PTPRH: variants seen among roughly 807,000 people sequenced by gnomAD.
PTPRH encodes protein tyrosine phosphatase receptor type H.
A neutral mutation model predicts 130.2 loss-of-function variants in PTPRH; 113 were observed. That is an observed-to-expected ratio of 0.87 (90% CI 0.75 to 1.01). The LOEUF is 1.01. Among genes scored for constraint, PTPRH ranks in the 50% least tolerant of loss-of-function variants. The pLI, the probability that PTPRH is intolerant of heterozygous loss-of-function variation, is 0.00. For synonymous variants in PTPRH, 556 were observed against 577.9 expected (o/e 0.96, Z 0.54); for missense variants, 1,430 against 1,425.0 (o/e 1.00, Z -0.06).
At chr19:55,194,761 G>C (rs2086636984) in intron 10 of PTPRH, among the ~76,000 whole-genome samples, 1 of 152,090 alleles carries the variant, frequency 6.6e-6, no homozygotes, top group Non-Finnish European at 1.5e-5. Context: ...CCACTACTGG[G>C]TATAGACCCA....
rs750088708 is a variant in PTPRH, at chr19:55,205,485, C to T, written c.460G>A (p.Val154Ile). ...GPDPQNSTYG[V>I]EYTGDGGRAG... The stretch of plus-strand genomic sequence containing the variant: ...CTGCCACCATCTCCAGTGTACTCAA[C>T]CCCGTAGGTGGAGTTCTGTGGGTCT... The change falls in exon 4 of 20, where the codon GTT becomes ATT. Residue 154 changes from valine (V) to isoleucine (I), a missense_variant. Physicochemically the swap from Val to Ile is conservative, Grantham distance 29 (BLOSUM62 3). Coordinates refer to ENST00000376350, the MANE Select transcript of PTPRH (RefSeq NM_002842.5). The T allele has an allele frequency of 3.1e-6, 5 of 1,614,206 alleles. No individual in the cohort carries two copies. The highest frequency in any genetic ancestry group is 1.6e-4 in the Middle Eastern group (1 of 6,062).
chr19:55,187,359 AAGAAAAAAAG>A lies in PTPRH; in HGVS notation c.2566+144_2566+153del, dbSNP rs370161406. Among the ~76,000 whole-genome samples the A allele has an allele frequency of 1.1e-4, 12 of 110,352 alleles. 1 individual carries two copies. The highest frequency in any genetic ancestry group is 9.1e-3 in the Middle Eastern group (2 of 220). 72.4% of individuals were successfully genotyped at this position (110,352 alleles called of 152,430 possible). On this transcript the variant is annotated intron_variant, in intron 14 of 19. Coordinates refer to ENST00000376350, the MANE Select transcript of PTPRH (RefSeq NM_002842.5). ...GACTCCGTCTCAAAAAAAAAAAAAA[AAGAAAAAAAG>A]AAAAAAAAAAAAGGAAGAAAAAAAA...
chr19:55,188,474 C>G (rs1272448361), intron 12 of PTPRH, among the ~76,000 whole-genome samples: 2 of 152,178 alleles, frequency 1.3e-5, no homozygotes, highest in African/African-American at 4.8e-5. Context: ...GATCGCACCA[C>G]TGCACTCCAG....
chr19:55,193,924 C>T, intron 10 of PTPRH: 1 of 286,898 alleles, frequency 3.5e-6, no homozygotes, highest in South Asian at 2.8e-5. Flanking sequence ...TCCCGGCTCA[C>T]CGCAACCTCC....
Position 55,196,592 on chromosome 19 carries a change from G to T in PTPRH, c.2187C>A (p.Ala729=), listed in dbSNP as rs747746593. ...LGLGPARSYP[A]TITTIWDGMK... ...TTCCGTCCCAGATGGTCGTGATGGT[G>T]GCTGGGTAGGACCGAGCCGGCCCGA... The change falls in exon 10 of 20, where the codon GCC becomes GCA. Residue 729 remains alanine (A), a synonymous_variant. Coordinates refer to ENST00000376350, the MANE Select transcript of PTPRH (RefSeq NM_002842.5). 1.2e-6 allele frequency: 2 copies of T among 1,613,774 alleles called. No individual in the cohort carries two copies. Among genetic ancestry groups the T allele is most frequent in the South Asian group, 2.2e-5 (2 of 91,030 alleles).
intron 8 of PTPRH, 117 bp downstream of exon 8, chr19:55,198,526 G>T: frequency 8.9e-7 from 1 of 1,128,470 alleles, no homozygotes; most frequent in South Asian, 2.4e-5. Flanking sequence ...AGCTCCGGCC[G>T]GTGAGGCTGG....
At chr19:55,187,207 A>C (rs370246245) in intron 14 of PTPRH, among the ~76,000 whole-genome samples, 5 of 142,288 alleles carry the variant, frequency 3.5e-5, no homozygotes, top group Non-Finnish European at 6.1e-5. Context: ...TAGCCGGGCG[A>C]GGTGGCGGGC....
At chr19:55,205,908 G>A (rs968520375) in intron 3 of PTPRH, among the ~76,000 whole-genome samples, 6 of 152,238 alleles carry the variant, frequency 3.9e-5, no homozygotes, top group East Asian at 1.9e-4. Context: ...TTGAATGATC[G>A]TTTTTATATT....
chr19:55,186,355 A>G lies in PTPRH; in HGVS notation c.2648T>C (p.Leu883Pro). ...TGCAATGAACTCCTGGGGGCTCCAG[A>G]GACCCTGGTTGAGGAAGGCAGGCGG... Reference protein sequence around the residue: ...DYINASFMPGLWSPQEFIATQ... With the variant: ...DYINASFMPGPWSPQEFIATQ... Residue 883 changes from leucine (L) to proline (P), a missense_variant, in exon 16 of 20, where the codon CTC becomes CCC. Transcript: ENST00000376350. 1 of 1,613,486 alleles carries G rather than the reference A, an allele frequency of 6.2e-7. No homozygotes were observed. The highest frequency in any genetic ancestry group is 1.3e-5 in the African/African-American group (1 of 74,892).
At chr19:55,197,490 C>A (rs957033169) in intron 8 of PTPRH, 74 bp from the exon 9 acceptor site, 40 of 1,386,608 alleles carry the variant, frequency 2.9e-5, no homozygotes, top group Non-Finnish European at 3.5e-5. Context: ...GCCTCTCCCC[C>A]ACAGCAAAGC....
Position 55,200,476 on chromosome 19 carries a change from T to C in PTPRH, c.1180A>G (p.Met394Val). The change falls in exon 7 of 20, where the codon ATG (methionine) becomes GTG (valine). Residue 394 changes from methionine (M) to valine (V), a missense_variant. Coordinates refer to ENST00000376350, the MANE Select transcript of PTPRH (RefSeq NM_002842.5). ...TAPNPVRNLH[M>V]ETQTNSSIAL... ...ATGGAGCTGTTGGTCTGAGTCTCCA[T>C]ATGGAGGTTTCTCACTGGGTTGGGG... is the stretch of plus-strand genomic sequence containing the variant. 2 of 1,613,950 alleles carry C rather than the reference T, an allele frequency of 1.2e-6. No homozygotes were observed. Among genetic ancestry groups the C allele is most frequent in the East Asian group, 2.2e-5 (1 of 44,886 alleles).
At chr19:55,187,344 CAAAAAAAAAAAA>C (rs58124409) in intron 14 of PTPRH, among the ~76,000 whole-genome samples, 157 bp downstream of exon 14, 1 of 45,310 alleles carries the variant, frequency 2.2e-5, no homozygotes, top group Non-Finnish European at 4.2e-5. Context: ...GACTCCGTCT[CAAAAAAAAAAAA>C]AAAAGAAAAA....
At chr19:55,191,441 GC>G (rs2086531524) in intron 12 of PTPRH, 59 bp downstream of exon 12, 1 of 1,591,046 alleles carries the variant, frequency 6.3e-7, no homozygotes, top group Non-Finnish European at 8.6e-7. Flanking sequence ...CTGGCAGCCA[GC>G]AAACACCCCT....
intron 18 of PTPRH, among the ~76,000 whole-genome samples, chr19:55,183,725 AC>A (rs1008430261): frequency 6.6e-6 from 1 of 151,538 alleles, no homozygotes; most frequent in African/African-American, 2.4e-5. Context: ...CTCTGTCTCC[AC>A]AAAAAAAAAT....
chr19:55,191,485 CA>C lies in PTPRH; in HGVS notation c.2384+15del. 1 of 1,613,928 alleles carries C rather than the reference CA, an allele frequency of 6.2e-7. No individual in the cohort carries two copies. The highest frequency in any genetic ancestry group is 8.5e-7 in the Non-Finnish European group (1 of 1,179,904). On this transcript the variant is annotated intron_variant, in intron 12 of 19. Coordinates refer to ENST00000376350, the MANE Select transcript of PTPRH (RefSeq NM_002842.5). ...ACCAGATTCTTTCCAATGCACCCCC[CA>C]GACCTTCTGCTCACCTAAAGACCAG... is the stretch of plus-strand genomic sequence containing the variant.
At chr19:55,191,213 G>A (rs993292436) in intron 12 of PTPRH, among the ~76,000 whole-genome samples, 1 of 152,214 alleles carries the variant, frequency 6.6e-6, no homozygotes, top group Non-Finnish European at 1.5e-5. Context: ...TTCATTTGCT[G>A]TTTGTTTGGC....
chr19:55,196,895 TC>T, intron 9 of PTPRH, 107 bp from the exon 10 acceptor site: 1 of 1,384,120 alleles, frequency 7.2e-7, no homozygotes, highest in Non-Finnish European at 9.8e-7. Flanking sequence ...CCTCGCCAAA[TC>T]CAAACTACCT....
At chr19:55,202,000 C>T (rs1418383810) in intron 6 of PTPRH, 56 bp downstream of exon 6, 4 of 1,596,502 alleles carry the variant, frequency 2.5e-6, no homozygotes, top group African/African-American at 1.3e-5. Flanking sequence ...CTACATTCTA[C>T]TGCTTACTGT....
chr19:55,197,050 C>T (rs987366217), intron 9 of PTPRH, 67 bp downstream of exon 9: 13 of 1,557,478 alleles, frequency 8.3e-6, no homozygotes, highest in Non-Finnish European at 1.1e-5. Context: ...TTCCATTCAT[C>T]TCTCAGCTCG....
Sources: gnomAD v4.1 joint callset for allele counts (sites outside exome capture counted in the v4.1 genomes callset) on GRCh38, gnomAD v4.1.1 for gene constraint, MANE v1.5 for transcripts, NCBI Gene and HGNC (gene_info 2026-07-23, HGNC 2026-07-21) for gene names.